Variants in DIS3 observed in about 807,000 individuals in gnomAD.
DIS3 encodes the protein exosome complex exonuclease RRP44.
A neutral mutation model predicts 113.0 loss-of-function variants in DIS3; 103 were observed. The ratio of observed to expected loss-of-function variants is 0.91; its 90% CI spans 0.78 to 1.07. The LOEUF (loss-of-function observed/expected upper bound fraction) is 1.07, where lower values mean the gene tolerates loss of function less well. Ranked by LOEUF, DIS3 falls within the 50% of genes least tolerant of loss-of-function variation. DIS3 has a pLI of 0.00. For missense variants in DIS3, 1,121 were observed against 1,167.1 expected, an observed-to-expected ratio of 0.96 and a Z score of 0.58; for synonymous variants, 402 against 394.3, an observed-to-expected ratio of 1.02 and a Z score of -0.23.
intron 2 of DIS3, among the ~76,000 whole-genome samples, chr13:72,780,036 T>C (rs1378929252): frequency 6.6e-6 from 1 of 151,866 alleles, no homozygotes; most frequent in African/African-American, 2.4e-5. Flanking sequence ...CAACAAAGAA[T>C]TATATTCCTG....
At position 72,770,930 on chromosome 13, in the gene DIS3, ACTT is replaced by A. The variant is rs753607434; in HGVS notation, c.1726_1728del (p.Lys576del). 1 of 1,606,918 alleles carries A rather than the reference ACTT, an allele frequency of 6.2e-7. No individual in the cohort carries two copies. The highest frequency in any genetic ancestry group is 8.5e-7 in the Non-Finnish European group (1 of 1,176,254). Reference sequence around the variant, plus strand: ...TTTGAATTAATAACACTTTTGGTAAACTTCGTTTTTAAGATTTCAGCATTGTGA... The same window carrying A: ...TTTGAATTAATAACACTTTTGGTAAACGTTTTTAAGATTTCAGCATTGTGA... On this transcript the variant is annotated inframe_deletion, in exon 13 of 21. Transcript: ENST00000377767.
chr13:72,775,005 C>G (rs908901717), intron 6 of DIS3, among the ~76,000 whole-genome samples: 1 of 152,042 alleles, frequency 6.6e-6, no homozygotes, highest in Admixed American at 6.6e-5. Flanking sequence ...AGTCTGTTTG[C>G]ATTTAAACCC....
rs770873054 is a variant in DIS3 at position 72,781,769 on chromosome 13, C to A, written c.64G>T (p.Glu22Ter). 3.7e-6 allele frequency: 6 copies of A among 1,604,408 alleles called. No individual in the cohort carries two copies. The African/African-American group carries it at 6.7e-5, about 18-fold the overall frequency. Reference sequence around the variant, plus strand: ...CCGATGTCGTCTCGCAGGTAGTGCTCGCGCACGATCTTCATCACGCCGCCC... The same window carrying A: ...CCGATGTCGTCTCGCAGGTAGTGCTAGCGCACGATCTTCATCACGCCGCCC... The part of the protein sequence containing the change: ...RAGGVMKIVR[E>*]HYLRDDIGCG... The change falls in exon 1 of 21, where the codon GAG becomes TAG. Residue 22 changes from glutamate (E) to a stop codon, truncating the protein, a stop_gained. Coordinates refer to ENST00000377767, the MANE Select transcript of DIS3 (RefSeq NM_014953.5). LOFTEE classifies it high-confidence loss of function.
Position 72,781,706 on chromosome 13 carries a change from G to T in DIS3, c.127C>A (p.His43Asn). The T allele has an allele frequency of 6.4e-7, 1 of 1,567,294 alleles. No homozygotes were observed. Among genetic ancestry groups the T allele is most frequent in the Non-Finnish European group, 8.6e-7 (1 of 1,157,352 alleles). The change falls in exon 1 of 21, where the codon CAC becomes AAC. Residue 43 changes from histidine (H) to asparagine (N), a missense_variant. Physicochemically the swap from His to Asn is moderately conservative, Grantham distance 68. This residue lies in a region of DIS3 where 254 missense variants were observed against 232.2 expected (regional missense o/e 1.09). Coordinates refer to ENST00000377767, the MANE Select transcript of DIS3 (RefSeq NM_014953.5). ...TGCGGCTCCAGGGCCGGCCCCTCGTGCGCCCCTCCACACGCTGCGCACCCG... is the reference window on the plus strand; with the variant it reads ...TGCGGCTCCAGGGCCGGCCCCTCGTTCGCCCCTCCACACGCTGCGCACCCG... ...APGCAACGGAHEGPALEPQPQ... is the reference protein window; with the variant it reads ...APGCAACGGANEGPALEPQPQ...
intron 9 of DIS3, 24 bp downstream of exon 9, chr13:72,772,669 C>A: frequency 6.3e-7 from 1 of 1,583,506 alleles, no homozygotes; most frequent in Non-Finnish European, 8.5e-7. Flanking sequence ...TTTATAAAGT[C>A]ACTACAAATT....
At chr13:72,769,190 A>G (rs1273724704) in intron 13 of DIS3, among the ~76,000 whole-genome samples, 1 of 152,216 alleles carries the variant, frequency 6.6e-6, no homozygotes, top group Non-Finnish European at 1.5e-5. Context: ...GTATATTCCA[A>G]TTACTGTATA....
intron 14 of DIS3, 53 bp from the exon 15 acceptor site, chr13:72,766,111 A>G (rs2033744184): frequency 9.8e-6 from 14 of 1,426,794 alleles, no homozygotes; most frequent in Non-Finnish European, 8.6e-6. Context: ...ATAAAAGACA[A>G]AAGTATAGAA....
intron 15 of DIS3, 77 bp from the exon 16 acceptor site, chr13:72,763,684 C>A (rs2033683070): frequency 3.6e-6 from 5 of 1,391,738 alleles, no homozygotes; most frequent in Non-Finnish European, 4.8e-6. Context: ...TCACAGGTTA[C>A]CTTTGTTACC....
chr13:72,770,499 T>A (rs924377905), intron 13 of DIS3, among the ~76,000 whole-genome samples: 7 of 152,118 alleles, frequency 4.6e-5, no homozygotes, highest in African/African-American at 1.7e-4. Flanking sequence ...GTGATGGCAG[T>A]AGGGCTGGGG....
At chr13:72,781,138 TGGCTATAGAAAAC>T (rs2034194359) in intron 1 of DIS3, 135 bp from the exon 2 acceptor site, 2 of 1,347,626 alleles carry the variant, frequency 1.5e-6, no homozygotes, top group Admixed American at 2.2e-5. Context: ...AGAAGCTATT[TGGCTATAGAAAAC>T]GAGACAATAG....
chr13:72,771,911 A>T lies in DIS3; in HGVS notation c.1504-15T>A. 1 of 1,609,162 alleles carries T rather than the reference A, an allele frequency of 6.2e-7. No homozygotes were observed. The highest frequency in any genetic ancestry group is 8.5e-7 in the Non-Finnish European group (1 of 1,177,634). On this transcript the variant is annotated splice_polypyrimidine_tract_variant and intron_variant, in intron 10 of 20. Coordinates refer to ENST00000377767, the MANE Select transcript of DIS3 (RefSeq NM_014953.5). ...TGAACACCAACCTTAAAAAGATAAAAATAAAAGGATGTCAATATGCTTGAC... is the reference window on the plus strand; with the variant it reads ...TGAACACCAACCTTAAAAAGATAAATATAAAAGGATGTCAATATGCTTGAC...
intron 1 of DIS3, 21 bp downstream of exon 1, chr13:72,781,584 G>C: frequency 6.7e-7 from 1 of 1,486,372 alleles, no homozygotes; most frequent in Non-Finnish European, 9.0e-7. Flanking sequence ...CGCGCTGTCC[G>C]CGGTTCGCCC....
In DIS3 at chr13:72,758,307, CAAT is replaced by C. The variant is rs564794338; in HGVS notation, c.*1485_*1487del. On this transcript the variant is annotated 3_prime_UTR_variant, in exon 21 of 21. Transcript: ENST00000377767. ...GTGTAACTACATCATGATTTTCACACAATGATGAAATTGCCAAGTGACATGTCT... is the reference window on the plus strand; with the variant it reads ...GTGTAACTACATCATGATTTTCACACGATGAAATTGCCAAGTGACATGTCT... 124 of 182,128 alleles carry C rather than the reference CAAT, an allele frequency of 6.8e-4. No individual in the cohort carries two copies. Among genetic ancestry groups the C allele is most frequent in the East Asian group, 6.1e-3 (68 of 11,204 alleles). The allele number at this position is 182,128 out of a possible 1,614,324, so 11.3% of individuals were successfully genotyped here. A position where few individuals can be genotyped will look rare whatever the true frequency, so the allele number is the denominator to read the frequency against.
Position 72,781,758 on chromosome 13 carries a change from C to T in DIS3, c.75G>A (p.Leu25=), listed in dbSNP as rs150759876. 7.5e-6 allele frequency: 12 copies of T among 1,601,722 alleles called. No individual in the cohort carries two copies. In the African/African-American group the frequency reaches 1.5e-4, roughly 20 times the overall value. Residue 25 remains leucine (L), a synonymous_variant, in exon 1 of 21, where the codon CTG becomes CTA. Transcript: ENST00000377767. ...GCGCACCGCAGCCGATGTCGTCTCG[C>T]AGGTAGTGCTCGCGCACGATCTTCA... ...GVMKIVREHY[L]RDDIGCGAPG...
At chr13:72,779,827 CT>C (rs2034111630) in intron 2 of DIS3, among the ~76,000 whole-genome samples, 1 of 151,930 alleles carries the variant, frequency 6.6e-6, no homozygotes, top group Non-Finnish European at 1.5e-5. Flanking sequence ...GTTAAACATA[CT>C]ACAATGTATA....
In DIS3 at chr13:72,759,948, C is replaced by T. The variant is rs550156248; in HGVS notation, c.2794-70G>A. 6.5e-5 allele frequency: 80 copies of T among 1,221,470 alleles called. No homozygotes were observed. In the African/African-American group the frequency reaches 1.2e-3, roughly 18 times the overall value. 75.7% of individuals were successfully genotyped at this position (1,221,470 alleles called of 1,614,324 possible). On this transcript the variant is annotated intron_variant, in intron 20 of 20. Coordinates refer to ENST00000377767, the MANE Select transcript of DIS3 (RefSeq NM_014953.5). Reference sequence around the variant, plus strand: ...GAATACATCTCAACCTCATCCTCCCCTTCCCCACTGCCAGCTTCAAATTTA... The same window carrying T: ...GAATACATCTCAACCTCATCCTCCCTTTCCCCACTGCCAGCTTCAAATTTA...
At chr13:72,776,936 C>T (rs552397561) in intron 4 of DIS3, among the ~76,000 whole-genome samples, 2 of 152,290 alleles carry the variant, frequency 1.3e-5, no homozygotes, top group Admixed American at 1.3e-4. Context: ...ATTACTTTTT[C>T]TTAGCCTGAC....
In DIS3 at chr13:72,762,787, C is replaced by T. The variant is rs138084963; in HGVS notation, c.2128-650G>A. On this transcript the variant is annotated intron_variant, in intron 16 of 20. Coordinates refer to ENST00000377767, the MANE Select transcript of DIS3 (RefSeq NM_014953.5). ...GTATGCAATAAATATACTTTTCTTACGAACAAGAAATGGAAAGGATTTAAC... is the reference window on the plus strand; with the variant it reads ...GTATGCAATAAATATACTTTTCTTATGAACAAGAAATGGAAAGGATTTAAC... Among the ~76,000 whole-genome samples the T allele has an allele frequency of 7.8e-4, 116 of 148,988 alleles. 1 individual carries two copies. In the East Asian group the frequency reaches 0.02, roughly 26 times the overall value.
At chr13:72,770,828 T>C in intron 13 of DIS3, 76 bp downstream of exon 13, 1 of 1,027,372 alleles carries the variant, frequency 9.7e-7, no homozygotes, top group Non-Finnish European at 1.4e-6. Flanking sequence ...TGTGAATCTT[T>C]AAAAAATTTA....
Sources: gnomAD v4.1 joint callset for allele counts (sites outside exome capture counted in the v4.1 genomes callset) on GRCh38, gnomAD v4.1.1 for gene constraint, gnomAD v4.1.1 regional missense constraint, MANE v1.5 for transcripts, NCBI Gene and HGNC (gene_info 2026-07-23, HGNC 2026-07-21) for gene names.